ERBB4: variants seen among roughly 807,000 people sequenced by gnomAD.
The protein encoded by ERBB4 is receptor tyrosine-protein kinase erbB-4.
Under a neutral mutation model 158.0 loss-of-function variants are expected in ERBB4, and 42 were observed. That is an observed-to-expected ratio of 0.27 (90% confidence interval 0.21 to 0.34). The LOEUF (loss-of-function observed/expected upper bound fraction) is 0.34, where lower values mean the gene tolerates loss of function less well. Ranked by LOEUF, ERBB4 falls within the 10% of genes least tolerant of loss-of-function variation. The pLI is 1.00. For synonymous variants in ERBB4, 583 were observed against 558.7 expected (o/e 1.04, Z -0.61); for missense variants, 1,333 against 1,624.1 (o/e 0.82, Z 3.08).
intron 2 of ERBB4, among the ~76,000 whole-genome samples, chr2:212,113,032 T>C (rs2079460726): frequency 6.6e-6 from 1 of 152,174 alleles, no homozygotes. Flanking sequence ...TACGGTATAG[T>C]ACCAGTAGGT....
intron 3 of ERBB4, among the ~76,000 whole-genome samples, chr2:211,845,776 C>T (rs947293704): frequency 6.6e-6 from 1 of 152,114 alleles, no homozygotes; most frequent in Non-Finnish European, 1.5e-5. Context: ...TCATCTATTA[C>T]AACTTGTTCA....
intron 1 of ERBB4, among the ~76,000 whole-genome samples, chr2:212,405,209 T>C (rs2091311832): frequency 6.6e-6 from 1 of 152,060 alleles, no homozygotes; most frequent in Non-Finnish European, 1.5e-5. Flanking sequence ...AAAGAAGACA[T>C]ACATGCGGCC....
intron 13 of ERBB4, among the ~76,000 whole-genome samples, chr2:211,676,827 G>A (rs1291349182): frequency 6.6e-6 from 1 of 151,786 alleles, no homozygotes; most frequent in Non-Finnish European, 1.5e-5. Context: ...AGTCTATTGT[G>A]TTTTGTTTCA....
chr2:212,438,235 A>G (rs1206745628), intron 1 of ERBB4, among the ~76,000 whole-genome samples: 1 of 152,116 alleles, frequency 6.6e-6, no homozygotes, highest in Non-Finnish European at 1.5e-5. Context: ...AGCCAGACTT[A>G]GATAGTACTC....
intron 1 of ERBB4, among the ~76,000 whole-genome samples, chr2:212,215,167 C>T (rs1203145141): frequency 7.3e-5 from 11 of 151,384 alleles, no homozygotes; most frequent in Admixed American, 4.0e-4. Context: ...GTATACAGTG[C>T]CTCCTTTGTG....
rs543907812 is a variant in ERBB4 at position 211,463,956 on chromosome 2, G to C, written c.2488-32856C>G. Among the ~76,000 whole-genome samples the C allele has an allele frequency of 2.6e-5, 4 of 152,212 alleles. No homozygotes were observed. In the East Asian group the frequency reaches 5.8e-4, roughly 22 times the overall value. ...CATTATCAAGACTGCTTCAACCCCA[G>C]AGATTTTGCATTTGTTCTTCCTTCT... On this transcript the variant is annotated intron_variant, in intron 20 of 27. Coordinates refer to ENST00000342788, the MANE Select transcript of ERBB4 (RefSeq NM_005235.3).
intron 23 of ERBB4, among the ~76,000 whole-genome samples, chr2:211,423,632 TTTTAGCTCAC>T (rs1335055341): frequency 2.0e-5 from 3 of 151,964 alleles, no homozygotes; most frequent in Non-Finnish European, 4.4e-5. Context: ...TTTATAATCT[TTTTAGCTCAC>T]TATAGATTCA....
chr2:211,745,180 A>C (rs13004180), intron 5 of ERBB4, among the ~76,000 whole-genome samples: 48,583 of 151,830 alleles, frequency 0.32, 7,875 homozygotes, highest in South Asian at 0.44. Flanking sequence ...AGCCTAAAAT[A>C]ACTGACTTTA....
At chr2:212,317,633 T>A (rs1290731771) in intron 1 of ERBB4, among the ~76,000 whole-genome samples, 1 of 151,628 alleles carries the variant, frequency 6.6e-6, no homozygotes, top group African/African-American at 2.4e-5. Flanking sequence ...ATTCTTAGAA[T>A]TACAGAAGTT....
At chr2:212,365,550 T>C (rs1453111846) in intron 1 of ERBB4, among the ~76,000 whole-genome samples, 1 of 151,808 alleles carries the variant, frequency 6.6e-6, no homozygotes, top group East Asian at 1.9e-4. Flanking sequence ...AGAAAAACTT[T>C]ACAACTTCAT....
intron 2 of ERBB4, among the ~76,000 whole-genome samples, chr2:212,038,907 A>G (rs2077076213): frequency 6.6e-6 from 1 of 152,128 alleles, no homozygotes; most frequent in East Asian, 1.9e-4. Flanking sequence ...GTAAAGTAAA[A>G]ATAAATGTGT....
chr2:212,007,586 A>G (rs2076288267), intron 2 of ERBB4, among the ~76,000 whole-genome samples: 1 of 151,916 alleles, frequency 6.6e-6, no homozygotes, highest in East Asian at 1.9e-4. Context: ...GCATTTAAAA[A>G]CATTTTCCTA....
intron 3 of ERBB4, among the ~76,000 whole-genome samples, chr2:211,834,449 T>C (rs1024150193): frequency 2.0e-5 from 3 of 151,118 alleles, no homozygotes; most frequent in African/African-American, 7.3e-5. Flanking sequence ...AGATCTTTCG[T>C]GTAAATTTTT....
chr2:212,522,854 A>T (rs1692250204), intron 1 of ERBB4, among the ~76,000 whole-genome samples: 1 of 151,974 alleles, frequency 6.6e-6, no homozygotes, highest in African/African-American at 2.4e-5. Context: ...ACGCAGGTTT[A>T]AGGAGGCACC....
At chr2:211,752,423 A>G (rs1374427923) in intron 4 of ERBB4, among the ~76,000 whole-genome samples, 1 of 150,970 alleles carries the variant, frequency 6.6e-6, no homozygotes, top group East Asian at 1.9e-4. Context: ...TCTATGATTT[A>G]TTTAATTATG....
intron 1 of ERBB4, among the ~76,000 whole-genome samples, chr2:212,302,186 C>T (rs986314272): frequency 6.6e-6 from 1 of 151,420 alleles, no homozygotes; most frequent in African/African-American, 2.4e-5. Flanking sequence ...ATGAAGCCAA[C>T]ACTACCTTCT....
In ERBB4 at chr2:211,947,560, C is replaced by G. The variant is rs761527541; in HGVS notation, c.291G>C (p.Leu97=). The G allele has an allele frequency of 6.2e-7, 1 of 1,613,808 alleles. No individual in the cohort carries two copies. The highest frequency in any genetic ancestry group is 8.5e-7 in the Non-Finnish European group (1 of 1,179,898). ...GAATAATGCGTAAATTCTCCAGAGG[C>G]AGGTAACGAAACTGATTAAGAGCCA... ...VLVALNQFRY[L]PLENLRIIRG... is the part of the protein sequence containing the mutation. Residue 97 remains leucine (L), a synonymous_variant, in exon 3 of 28, where the codon CTG becomes CTC. Transcript: ENST00000342788.
At chr2:212,116,130 T>C (rs2079564354) in intron 2 of ERBB4, among the ~76,000 whole-genome samples, 1 of 151,782 alleles carries the variant, frequency 6.6e-6, no homozygotes, top group Admixed American at 6.6e-5. Context: ...TATACTAATT[T>C]GATTCTTGAT....
rs533214729 is a variant in ERBB4 at position 211,428,537 on chromosome 2, A to G, written c.2644-54T>C. The stretch of plus-strand genomic sequence containing the variant: ...AAAATTACATTAAAAATTCATTTCT[A>G]TATGTATTTCCTAAATGTGAGTCTT... On this transcript the variant is annotated intron_variant, in intron 21 of 27. Coordinates refer to ENST00000342788, the MANE Select transcript of ERBB4 (RefSeq NM_005235.3). 1.1e-5 allele frequency: 11 copies of G among 969,070 alleles called. No homozygotes were observed. In the East Asian group the frequency reaches 1.2e-4, roughly 11 times the overall value. 60.0% of individuals were successfully genotyped at this position (969,070 alleles called of 1,614,324 possible). A position where few individuals can be genotyped will look rare whatever the true frequency, so the allele number is the denominator to read the frequency against.
Sources: gnomAD v4.1 joint callset for allele counts (sites outside exome capture counted in the v4.1 genomes callset) on GRCh38, gnomAD v4.1.1 for gene constraint, MANE v1.5 for transcripts, NCBI Gene and HGNC (gene_info 2026-07-23, HGNC 2026-07-21) for gene names.